Variants in ZFPM2 observed in about 807,000 individuals in gnomAD.
ZFPM2 encodes zinc finger protein ZFPM2.
Under a neutral mutation model 98.6 loss-of-function variants are expected in ZFPM2, and 20 were observed. The observed-to-expected ratio is 0.20, with a 90% CI of 0.14 to 0.29. The LOEUF is 0.29. Ranked by LOEUF, ZFPM2 falls within the 10% of genes least tolerant of loss-of-function variation. The pLI is 1.00. For synonymous variants in ZFPM2, 518 were observed against 502.7 expected (o/e 1.03, Z -0.41); for missense variants, 1,310 against 1,388.6 (o/e 0.94, Z 0.90).
intron 5 of ZFPM2, among the ~76,000 whole-genome samples, chr8:105,646,594 G>A (rs1267153467): frequency 1.3e-5 from 2 of 152,106 alleles, no homozygotes; most frequent in Admixed American, 1.3e-4. Flanking sequence ...GGCAGCGTGA[G>A]TAGGCAGGAC....
intron 1 of ZFPM2, among the ~76,000 whole-genome samples, chr8:105,417,117 C>T (rs1347109595): frequency 6.6e-6 from 1 of 151,548 alleles, no homozygotes; most frequent in African/African-American, 2.4e-5. Context: ...CCTCTGCATG[C>T]CAGTGTGGGT....
chr8:105,366,248 T>C (rs1586319810), intron 1 of ZFPM2, among the ~76,000 whole-genome samples: 1 of 152,298 alleles, frequency 6.6e-6, no homozygotes, highest in East Asian at 1.9e-4. Context: ...TTGTCTATGA[T>C]AGTGAATTAC....
intron 5 of ZFPM2, among the ~76,000 whole-genome samples, chr8:105,785,791 C>T (rs929616308): frequency 3.3e-5 from 5 of 151,994 alleles, no homozygotes; most frequent in East Asian, 1.9e-4. Flanking sequence ...GCCTGCAATC[C>T]GAACACTTTG....
chr8:105,532,652 A>T (rs892486450), intron 3 of ZFPM2, among the ~76,000 whole-genome samples: 4 of 152,206 alleles, frequency 2.6e-5, no homozygotes, highest in Non-Finnish European at 4.4e-5. Context: ...TTCTTTTGGA[A>T]TAAAAAAGAT....
chr8:105,685,894 C>T (rs1586197409), intron 5 of ZFPM2: 1 of 152,004 alleles, frequency 6.6e-6, no homozygotes, highest in East Asian at 1.9e-4. Context: ...ACTCATTGTA[C>T]TTAAAATAAT....
intron 5 of ZFPM2, among the ~76,000 whole-genome samples, chr8:105,744,633 A>G (rs116681602): frequency 0.013 from 1,629 of 125,188 alleles, 35 homozygotes; most frequent in African/African-American, 0.047. Context: ...GTGTGTATGT[A>G]TATTAGAAGA....
chr8:105,618,333 G>A (rs1386158455), intron 4 of ZFPM2, among the ~76,000 whole-genome samples: 1 of 152,156 alleles, frequency 6.6e-6, no homozygotes, highest in Admixed American at 6.5e-5. Flanking sequence ...TTCTGGCAAT[G>A]TGAATATGGA....
chr8:105,482,267 T>G (rs1397934893), intron 3 of ZFPM2, among the ~76,000 whole-genome samples: 1 of 152,228 alleles, frequency 6.6e-6, no homozygotes, highest in Non-Finnish European at 1.5e-5. Context: ...GTGATTTTTT[T>G]GGCTATAATT....
intron 5 of ZFPM2, among the ~76,000 whole-genome samples, chr8:105,719,207 A>C (rs1456660844): frequency 6.6e-6 from 1 of 151,982 alleles, no homozygotes; most frequent in Non-Finnish European, 1.5e-5. Flanking sequence ...AATCAGTATC[A>C]TCATCATCCT....
rs752463320 is a variant in ZFPM2 at position 105,801,594 on chromosome 8, C to T, written c.1512C>T (p.Pro504=). 5.6e-6 allele frequency: 9 copies of T among 1,613,724 alleles called. No individual in the cohort carries two copies. Among genetic ancestry groups the T allele is most frequent in the African/African-American group, 1.3e-5 (1 of 74,866 alleles). Residue 504 remains proline, a synonymous_variant, in exon 8 of 8, where the codon CCC becomes CCT. Coordinates refer to ENST00000407775, the MANE Select transcript of ZFPM2 (RefSeq NM_012082.4). ...CTTTCCTATCTCAGTTTTCTTTCCC[C>T]CAAGATATCACCATGGTCCCTCAAG... ...VGPFLSQFSF[P]QDITMVPQAS...
In ZFPM2 at chr8:105,625,959, C is replaced by T. The variant is rs557585199; in HGVS notation, c.421-8287C>T. ...TTTGTTTATGTAGTTTAAAATGACA[C>T]TCTATTTTCTGGAAAAAAAAAAAAG... On this transcript the variant is annotated intron_variant, in intron 4 of 7. Coordinates refer to ENST00000407775, the MANE Select transcript of ZFPM2 (RefSeq NM_012082.4). Among the ~76,000 whole-genome samples, 360 of 143,608 alleles carry T rather than the reference C, an allele frequency of 2.5e-3. 2 individuals carry two copies. The highest frequency in any genetic ancestry group is 3.4e-3 in the Non-Finnish European group (224 of 66,766). The allele number at this position is 143,608 out of a possible 152,430, so 94.2% of individuals were successfully genotyped here. A position where few individuals can be genotyped will look rare whatever the true frequency, so the allele number is the denominator to read the frequency against.
intron 5 of ZFPM2, among the ~76,000 whole-genome samples, chr8:105,677,664 T>A (rs1810503090): frequency 6.6e-6 from 1 of 151,508 alleles, no homozygotes; most frequent in African/African-American, 2.4e-5. Context: ...GTGCTTTGAA[T>A]AATAGGATTT....
intron 4 of ZFPM2, among the ~76,000 whole-genome samples, chr8:105,604,902 A>G (rs1816166891): frequency 6.6e-6 from 1 of 152,080 alleles, no homozygotes; most frequent in African/African-American, 2.4e-5. Flanking sequence ...AGGACAGATT[A>G]TCTTGTATGT....
At chr8:105,572,553 C>T (rs751546918) in intron 4 of ZFPM2, among the ~76,000 whole-genome samples, 23 of 152,066 alleles carry the variant, frequency 1.5e-4, no homozygotes, top group Non-Finnish European at 2.8e-4. Context: ...CCACAACCTC[C>T]GCCTCCCAGG....
At chr8:105,560,208 A>T (rs1260277215) in intron 3 of ZFPM2, among the ~76,000 whole-genome samples, 1 of 148,502 alleles carries the variant, frequency 6.7e-6, no homozygotes, top group Non-Finnish European at 1.5e-5. Flanking sequence ...ATAAGTACTG[A>T]ATATATTCTA....
At chr8:105,567,867 G>A (rs1318162819) in intron 4 of ZFPM2, among the ~76,000 whole-genome samples, 2 of 151,882 alleles carry the variant, frequency 1.3e-5, no homozygotes, top group Non-Finnish European at 2.9e-5. Flanking sequence ...CCATCTCAAT[G>A]GCATAATTTA....
intron 3 of ZFPM2, among the ~76,000 whole-genome samples, chr8:105,513,628 A>T (rs760082422): frequency 1.2e-4 from 19 of 152,232 alleles, no homozygotes; most frequent in Non-Finnish European, 2.4e-4. Context: ...CTTGTGAAAG[A>T]TGGAAGTGTA....
Position 105,318,843 on chromosome 8 carries a change from C to CCAG in ZFPM2, c.-97_-95dup. 1.1e-5 allele frequency: 5 copies of CCAG among 445,984 alleles called. No homozygotes were observed. The highest frequency in any genetic ancestry group is 1.4e-5 in the Non-Finnish European group (5 of 364,818). The allele number at this position is 445,984 out of a possible 1,614,324, so 27.6% of individuals were successfully genotyped here. A position where few individuals can be genotyped will look rare whatever the true frequency, so the allele number is the denominator to read the frequency against. On this transcript the variant is annotated 5_prime_UTR_variant, in exon 1 of 8. Transcript: ENST00000407775. ...CCGGCCGGCGGCGGGCCGAGCCTGGCCAGCGGCGGCGGCGGCGGCGGCGGC... is the reference window on the plus strand; with the variant it reads ...CCGGCCGGCGGCGGGCCGAGCCTGGCCAGCAGCGGCGGCGGCGGCGGCGGCGGC...
rs180797926 is a variant in ZFPM2 at position 105,543,346 on chromosome 8, C to T, written c.302-18017C>T. On this transcript the variant is annotated intron_variant, in intron 3 of 7. Coordinates refer to ENST00000407775, the MANE Select transcript of ZFPM2 (RefSeq NM_012082.4). ...ACAGAAGATACAAAAATTAGCCTAG[C>T]TTGATGGCCCACACCTGTGGTCCCA... 3.9e-5 allele frequency among the ~76,000 whole-genome samples: 6 copies of T among 152,206 alleles called. No homozygotes were observed. The East Asian group carries it at 1.2e-3, about 30-fold the overall frequency.
Sources: gnomAD v4.1 joint callset for allele counts (sites outside exome capture counted in the v4.1 genomes callset) on GRCh38, gnomAD v4.1.1 for gene constraint, MANE v1.5 for transcripts, NCBI Gene and HGNC (gene_info 2026-07-23, HGNC 2026-07-21) for gene names.